The following DCDC2 variants were observed in gnomAD, a reference collection of about 807,000 sequenced individuals.
DCDC2 encodes the protein doublecortin domain-containing protein 2.
In DCDC2, 40 loss-of-function variants were observed where a neutral mutation model predicts 50.2. That is an observed-to-expected ratio of 0.80 (90% CI 0.62 to 1.04). The LOEUF is 1.04. Among genes scored for constraint, DCDC2 ranks in the 50% least tolerant of loss-of-function variants. The pLI is 0.00. For synonymous variants in DCDC2, 234 were observed against 210.6 expected (o/e 1.11, Z -0.96); for missense variants, 570 against 581.9 (o/e 0.98, Z 0.21).
At chr6:24,350,264 G>C (rs1760343233) in intron 2 of DCDC2, among the ~76,000 whole-genome samples, 1 of 152,154 alleles carries the variant, frequency 6.6e-6, no homozygotes, top group Admixed American at 6.5e-5. Flanking sequence ...GTGCCATCTT[G>C]TCTAAATTAT....
At chr6:24,273,126 T>C (rs1376391577) in intron 7 of DCDC2, among the ~76,000 whole-genome samples, 3 of 152,050 alleles carry the variant, frequency 2.0e-5, no homozygotes, top group African/African-American at 7.2e-5. Flanking sequence ...AATCATGTCT[T>C]TTGCAGCAAT....
chr6:24,321,173 G>T (rs1759768313), intron 2 of DCDC2, among the ~76,000 whole-genome samples: 1 of 152,004 alleles, frequency 6.6e-6, no homozygotes, highest in Non-Finnish European at 1.5e-5. Flanking sequence ...CTTCCACATA[G>T]AAGAATTCCA....
At chr6:24,359,007 T>C (rs1760570941), upstream of DCDC2, among the ~76,000 whole-genome samples, 1 of 30,562 alleles carries the variant, frequency 3.3e-5, no homozygotes, top group African/African-American at 1.4e-4. Context: ...ATATATTTTA[T>C]ATATTATATA....
chr6:24,302,117 TAC>T (rs1243896082), intron 2 of DCDC2, 73 bp from the exon 3 acceptor site: 66 of 1,367,264 alleles, frequency 4.8e-5, no homozygotes, highest in South Asian at 1.2e-4. Flanking sequence ...GAGGAAAATC[TAC>T]AGTTTCTAGG....
chr6:24,329,627 C>T (rs1055055503), intron 2 of DCDC2, among the ~76,000 whole-genome samples: 3 of 152,166 alleles, frequency 2.0e-5, no homozygotes, highest in Non-Finnish European at 4.4e-5. Flanking sequence ...AACCAAGCTA[C>T]CCATTGCCAT....
At chr6:24,225,605 T>G (rs1762216526) in intron 7 of DCDC2, among the ~76,000 whole-genome samples, 2 of 152,160 alleles carry the variant, frequency 1.3e-5, no homozygotes, top group Admixed American at 6.5e-5. Context: ...CAGATTGTTT[T>G]AACTCTTCAC....
chr6:24,247,523 G>A (rs942859172), intron 7 of DCDC2, among the ~76,000 whole-genome samples: 5 of 152,090 alleles, frequency 3.3e-5, no homozygotes, highest in Admixed American at 6.6e-5. Context: ...GTACACTGAA[G>A]ATAGGGTAGG....
chr6:24,271,707 A>C (rs541365383), intron 7 of DCDC2, among the ~76,000 whole-genome samples: 2 of 152,216 alleles, frequency 1.3e-5, no homozygotes, highest in Non-Finnish European at 2.9e-5. Flanking sequence ...CACTGGAAAC[A>C]CCATTGTACA....
intron 7 of DCDC2, among the ~76,000 whole-genome samples, chr6:24,242,694 G>A (rs138571782): frequency 2.0e-3 from 299 of 152,286 alleles, no homozygotes; most frequent in African/African-American, 6.9e-3. Context: ...GGGCATGGTG[G>A]CTCACGCCTG....
At chr6:24,276,561 A>G (rs1348487355) in intron 7 of DCDC2, among the ~76,000 whole-genome samples, 4 of 152,216 alleles carry the variant, frequency 2.6e-5, no homozygotes, top group Non-Finnish European at 5.9e-5. Context: ...TGTTGGAAAT[A>G]AGAAAAAACT....
chr6:24,175,626 G>C lies in DCDC2; in HGVS notation c.1327-792C>G, dbSNP rs185643606. The stretch of plus-strand genomic sequence containing the variant: ...ATTTCACACTGTTCCTTTGTGAAAT[G>C]TCTCAAATGGTATCTTGAATATAGT... On this transcript the variant is annotated intron_variant, in intron 9 of 9. Coordinates refer to ENST00000378454, the MANE Select transcript of DCDC2 (RefSeq NM_016356.5). 1.6e-3 allele frequency among the ~76,000 whole-genome samples: 245 copies of C among 152,320 alleles called. 1 individual carries two copies. Among genetic ancestry groups the C allele is most frequent in the African/African-American group, 5.7e-3 (237 of 41,556 alleles).
At chr6:24,376,426 TAGCGGTAACAGTGCCC>T in the DCDC2 span, among the ~76,000 whole-genome samples, 7 of 152,200 alleles carry the variant, frequency 4.6e-5, no homozygotes, top group African/African-American at 1.7e-4. Context: ...CGTCATCCCA[TAGCGGTAACAGTGCCC>T]AGGGGCCAGC....
intron 8 of DCDC2, among the ~76,000 whole-genome samples, chr6:24,202,984 G>A (rs1679556019): frequency 6.6e-6 from 1 of 152,182 alleles, no homozygotes; most frequent in Non-Finnish European, 1.5e-5. Context: ...GCAAATAAGA[G>A]AGGACACAAA....
intron 7 of DCDC2, among the ~76,000 whole-genome samples, chr6:24,277,195 G>A (rs1013148601): frequency 6.6e-6 from 1 of 152,176 alleles, no homozygotes; most frequent in East Asian, 1.9e-4. Context: ...TGGAAGGTAA[G>A]GCTTTGCCCA....
chr6:24,381,918 G>C, the DCDC2 span, among the ~76,000 whole-genome samples: 2 of 133,404 alleles, frequency 1.5e-5, no homozygotes, highest in Non-Finnish European at 3.1e-5. Context: ...AAAGAAAAGA[G>C]AGAAAGAGAA....
At chr6:24,230,882 A>G (rs1762325275) in intron 7 of DCDC2, among the ~76,000 whole-genome samples, 1 of 152,240 alleles carries the variant, frequency 6.6e-6, no homozygotes, top group Non-Finnish European at 1.5e-5. Flanking sequence ...TTCTACCACT[A>G]TCTTCATTTT....
intron 2 of DCDC2, among the ~76,000 whole-genome samples, chr6:24,328,763 A>G (rs569426356): frequency 1.3e-5 from 2 of 152,268 alleles, no homozygotes; most frequent in South Asian, 4.1e-4. Context: ...TGAAATGCTT[A>G]TCAACATTGG....
At chr6:24,322,909 G>T (rs996650943) in intron 2 of DCDC2, among the ~76,000 whole-genome samples, 4 of 152,202 alleles carry the variant, frequency 2.6e-5, no homozygotes, top group African/African-American at 9.7e-5. Flanking sequence ...ACAGGCCATG[G>T]TCACTCATAT....
At chr6:24,248,604 A>G (rs571017186) in intron 7 of DCDC2, among the ~76,000 whole-genome samples, 1 of 152,274 alleles carries the variant, frequency 6.6e-6, no homozygotes, top group South Asian at 2.1e-4. Context: ...AGCAAAGGTA[A>G]GACCTTTGGA....
Sources: allele counts gnomAD v4.1 joint callset (sites outside exome capture counted in the v4.1 genomes callset), GRCh38; gene constraint gnomAD v4.1.1; transcripts MANE v1.5; gene names NCBI Gene and HGNC (gene_info 2026-07-23, HGNC 2026-07-21).